Variants in MPDZ observed in about 807,000 individuals in gnomAD.
The protein encoded by MPDZ is multiple PDZ domain crumbs cell polarity complex component.
In MPDZ, 234 loss-of-function variants were observed where a neutral mutation model predicts 239.1. The observed-to-expected ratio is 0.98, with a 90% CI of 0.88 to 1.09. The LOEUF is 1.09. MPDZ is among the 50% of genes least tolerant of loss of function. MPDZ has a pLI of 0.00. For missense variants in MPDZ, 3,175 were observed against 2,510.0 expected (o/e 1.26, Z -5.66); for synonymous variants, 1,048 against 881.3 (o/e 1.19, Z -3.35).
chr9:13,115,179 G>C (rs1943191450), intron 40 of MPDZ, 69 bp downstream of exon 40: 1 of 1,361,512 alleles, frequency 7.3e-7, no homozygotes. Flanking sequence ...CAGACCCACA[G>C]TCAGGGCCAT....
chr9:13,170,311 T>C lies in MPDZ; in HGVS notation c.3056-1747A>G, dbSNP rs1951623016. Reference sequence around the variant, plus strand: ...TTCTGATTTTGTTTCTAGCCTAATATTTCATAGTGGATGTGGGCAATTCAG... The same window carrying C: ...TTCTGATTTTGTTTCTAGCCTAATACTTCATAGTGGATGTGGGCAATTCAG... On this transcript the variant is annotated intron_variant, in intron 21 of 46. Coordinates refer to ENST00000319217, the MANE Select transcript of MPDZ (RefSeq NM_001378778.1). 3.3e-5 allele frequency among the ~76,000 whole-genome samples: 5 copies of C among 152,182 alleles called. No homozygotes were observed. The South Asian group carries it at 1.0e-3, about 31-fold the overall frequency.
At position 13,115,330 on chromosome 9, in the gene MPDZ, G is replaced by A; in HGVS notation, c.5384C>T (p.Ser1795Phe). Residue 1795 changes from serine (S) to phenylalanine (F), a missense_variant, in exon 40 of 47, where the codon TCC (serine) becomes TTC (phenylalanine). Ser to Phe is a radical substitution (Grantham distance 155). Transcript: ENST00000319217. ...QEAVAALLKC[S>F]LGTVTLEVGR... Reference sequence around the variant, plus strand: ...AACTTCCAAGGTTACTGTGCCTAGGGAACACTGGGGGTGGGCATGGGGGGT... The same window carrying A: ...AACTTCCAAGGTTACTGTGCCTAGGAAACACTGGGGGTGGGCATGGGGGGT... The A allele has an allele frequency of 6.2e-7, 1 of 1,611,430 alleles. No homozygotes were observed. Among genetic ancestry groups the A allele is most frequent in the Non-Finnish European group, 8.5e-7 (1 of 1,178,728 alleles).
At chr9:13,116,439 T>G (rs1017414069) in intron 39 of MPDZ, among the ~76,000 whole-genome samples, 1 of 151,754 alleles carries the variant, frequency 6.6e-6, no homozygotes, top group Non-Finnish European at 1.5e-5. Context: ...TGGGCACTGA[T>G]ATTATTATTC....
At chr9:13,134,732 C>T (rs895024556) in intron 31 of MPDZ, 15 of 152,252 alleles carry the variant, frequency 9.9e-5, no homozygotes, top group African/African-American at 3.6e-4. Context: ...TCTTGTCCAT[C>T]ATTTGCTTTC....
intron 1 of MPDZ, among the ~76,000 whole-genome samples, chr9:13,265,385 T>C (rs1971560466): frequency 6.6e-6 from 1 of 152,038 alleles, no homozygotes; most frequent in Non-Finnish European, 1.5e-5. Flanking sequence ...GCCTGACCAA[T>C]ATGGAGAAAT....
At chr9:13,268,175 C>A (rs951758875) in intron 1 of MPDZ, among the ~76,000 whole-genome samples, 1 of 148,698 alleles carries the variant, frequency 6.7e-6, no homozygotes, top group Non-Finnish European at 1.5e-5. Context: ...TATATACACA[C>A]ATAGAGAGAG....
At chr9:13,129,728 T>C (rs183459434) in intron 32 of MPDZ, among the ~76,000 whole-genome samples, 8 of 152,224 alleles carry the variant, frequency 5.3e-5, no homozygotes, top group Non-Finnish European at 1.2e-4. Context: ...TTTTTCTGTT[T>C]TAAAATATTA....
intron 26 of MPDZ, 34 bp from the exon 27 acceptor site, chr9:13,143,598 G>T: frequency 6.5e-7 from 1 of 1,548,716 alleles, no homozygotes; most frequent in Non-Finnish European, 8.9e-7. Context: ...TGAACGCAAA[G>T]GAAATGTATT....
In MPDZ at chr9:13,136,132, T is replaced by C; in HGVS notation, c.4343A>G (p.Glu1448Gly). Reference protein sequence around the residue: ...QMAVCPGNAVEPLPSNSENLQ... With the variant: ...QMAVCPGNAVGPLPSNSENLQ... ...ATTTTCTGAGTTAGAAGGCAAAGGT[T>C]CTACTGCATTTCCAGGACATACGGC... Residue 1448 changes from glutamate (E) to glycine (G), a missense_variant, in exon 31 of 47, where the codon GAA (glutamate) becomes GGA (glycine). Glu to Gly is a moderately conservative substitution (Grantham distance 98). Transcript: ENST00000319217. The C allele has an allele frequency of 6.2e-7, 1 of 1,613,142 alleles. No homozygotes were observed. Among genetic ancestry groups the C allele is most frequent in the Non-Finnish European group, 8.5e-7 (1 of 1,179,510 alleles).
chr9:13,249,965 T>C (rs1967493652), intron 2 of MPDZ, among the ~76,000 whole-genome samples: 1 of 152,244 alleles, frequency 6.6e-6, no homozygotes, highest in South Asian at 2.1e-4. Context: ...AAAATACTGC[T>C]AAACTTCCAG....
In MPDZ at chr9:13,137,951, A is replaced by C. The variant is rs1293384951; in HGVS notation, c.4200+6T>G. On this transcript the variant is annotated splice_donor_region_variant and intron_variant, in intron 29 of 46. Coordinates refer to ENST00000319217, the MANE Select transcript of MPDZ (RefSeq NM_001378778.1). ...AATAAATTCAAAATTTTCCACAAAA[A>C]CTTACCTCTAGAAGCTCATCTGCAA... The C allele has an allele frequency of 1.9e-6, 3 of 1,613,398 alleles. No homozygotes were observed. Among genetic ancestry groups the C allele is most frequent in the Non-Finnish European group, 1.7e-6 (2 of 1,179,628 alleles).
chr9:13,208,459 A>AT (rs1281998599), intron 10 of MPDZ, among the ~76,000 whole-genome samples: 6 of 150,300 alleles, frequency 4.0e-5, no homozygotes, highest in Admixed American at 2.7e-4. Context: ...ATAAATAAAT[A>AT]TTAAAAAAAA....
In MPDZ at chr9:13,112,014, T is replaced by A. The variant is rs1034613530; in HGVS notation, c.5724+10A>T. The A allele has an allele frequency of 2.5e-6, 4 of 1,613,030 alleles. No individual in the cohort carries two copies. The East Asian group carries it at 8.9e-5, about 36-fold the overall frequency. ...TTGCTAGGGCTTCTAGGGTTGATAG[T>A]ACGACTCACTCTGAGTTTTTGGGTC... On this transcript the variant is annotated intron_variant, in intron 43 of 46. Coordinates refer to ENST00000319217, the MANE Select transcript of MPDZ (RefSeq NM_001378778.1).
intron 1 of MPDZ, among the ~76,000 whole-genome samples, chr9:13,274,180 A>C (rs1182609431): frequency 1.3e-5 from 2 of 152,164 alleles, no homozygotes; most frequent in Admixed American, 6.5e-5. Context: ...CTATTTACTA[A>C]AATAAATAAT....
At chr9:13,189,413 G>T (rs867706007) in intron 16 of MPDZ, among the ~76,000 whole-genome samples, 1 of 152,042 alleles carries the variant, frequency 6.6e-6, no homozygotes, top group Non-Finnish European at 1.5e-5. Flanking sequence ...ACTGAAGGTA[G>T]GACCCATCCT....
chr9:13,231,332 G>A (rs903030288), intron 3 of MPDZ, among the ~76,000 whole-genome samples: 2 of 152,082 alleles, frequency 1.3e-5, no homozygotes, highest in Non-Finnish European at 2.9e-5. Context: ...TTGGGAGGCC[G>A]AGGTGGGTGG....
chr9:13,207,489 C>T (rs1957133682), intron 10 of MPDZ, among the ~76,000 whole-genome samples: 1 of 152,174 alleles, frequency 6.6e-6, no homozygotes, highest in Non-Finnish European at 1.5e-5. Flanking sequence ...TCCGCAAGTC[C>T]TGTTACCTCA....
At chr9:13,166,453 C>T (rs543211959) in intron 22 of MPDZ, among the ~76,000 whole-genome samples, 21 of 152,030 alleles carry the variant, frequency 1.4e-4, no homozygotes, top group Non-Finnish European at 2.9e-4. Context: ...TTTATCATTA[C>T]TCAATGAGTT....
chr9:13,204,341 A>C (rs972397338), intron 12 of MPDZ, among the ~76,000 whole-genome samples: 1 of 152,134 alleles, frequency 6.6e-6, no homozygotes, highest in Non-Finnish European at 1.5e-5. Context: ...TAATCCCAGC[A>C]CTTTGGAAGG....
Sources: gnomAD v4.1 joint callset for allele counts (sites outside exome capture counted in the v4.1 genomes callset) on GRCh38, gnomAD v4.1.1 for gene constraint, MANE v1.5 for transcripts, NCBI Gene and HGNC (gene_info 2026-07-23, HGNC 2026-07-21) for gene names.